The following NEIL3 variants were observed in gnomAD, a reference collection of about 807,000 sequenced individuals.
NEIL3 encodes the protein endonuclease 8-like 3.
NEIL3 carries 48 observed loss-of-function variants against 57.5 expected under a neutral mutation model. The observed-to-expected ratio is 0.83, with a 90% CI of 0.66 to 1.06. The LOEUF (loss-of-function observed/expected upper bound fraction) is 1.06, where lower values mean the gene tolerates loss of function less well. Ranked by LOEUF, NEIL3 falls within the 50% of genes least tolerant of loss-of-function variation. The pLI is 0.00. For missense variants in NEIL3, 717 were observed against 739.1 expected (o/e 0.97, Z 0.35); for synonymous variants, 261 against 253.2 (o/e 1.03, Z -0.29).
intron 1 of NEIL3, among the ~76,000 whole-genome samples, chr4:177,320,479 T>C (rs1330551044): frequency 1.2e-5 from 1 of 86,492 alleles, no homozygotes; most frequent in Non-Finnish European, 2.8e-5. Flanking sequence ...TTTTTTTTTT[T>C]TTTTTTTTTT....
At chr4:177,368,547 A>C in the NEIL3 span, among the ~76,000 whole-genome samples, 3 of 152,208 alleles carry the variant, frequency 2.0e-5, no homozygotes, top group South Asian at 6.2e-4. Context: ...TTGCTTAAGA[A>C]ATTATATATG....
chr4:177,346,576 G>C (rs1290486459), intron 6 of NEIL3, among the ~76,000 whole-genome samples: 1 of 152,086 alleles, frequency 6.6e-6, no homozygotes, highest in Non-Finnish European at 1.5e-5. Context: ...TCAAAGTTAA[G>C]GCAACAGCAA....
intron 6 of NEIL3, among the ~76,000 whole-genome samples, chr4:177,342,791 G>C (rs1378319345): frequency 6.6e-6 from 1 of 152,232 alleles, no homozygotes; most frequent in Non-Finnish European, 1.5e-5. Context: ...ACATGGCATG[G>C]TGGAGGGATG....
intron 2 of NEIL3, among the ~76,000 whole-genome samples, chr4:177,332,021 T>C (rs1435392785): frequency 6.6e-6 from 1 of 152,232 alleles, no homozygotes; most frequent in Admixed American, 6.5e-5. Flanking sequence ...CTCCACCATG[T>C]AGACTGCTGT....
intron 2 of NEIL3, among the ~76,000 whole-genome samples, chr4:177,332,436 A>T (rs975832441): frequency 6.6e-6 from 1 of 152,110 alleles, no homozygotes; most frequent in African/African-American, 2.4e-5. Context: ...AGTATAAGAC[A>T]TATTGTTTGG....
Position 177,360,167 on chromosome 4 carries a change from A to T in NEIL3, c.1461-336A>T, listed in dbSNP as rs530989937. Among the ~76,000 whole-genome samples, 6 of 152,360 alleles carry T rather than the reference A, an allele frequency of 3.9e-5. No individual in the cohort carries two copies. In the South Asian group the frequency reaches 1.2e-3, roughly 32 times the overall value. ...GACTTGAGAATATTTTAGAGGAAAAAGAAGTGGCTACAGTGTGATATTGGG... is the reference window on the plus strand; with the variant it reads ...GACTTGAGAATATTTTAGAGGAAAATGAAGTGGCTACAGTGTGATATTGGG... On this transcript the variant is annotated intron_variant, in intron 8 of 9. Coordinates refer to ENST00000264596, the MANE Select transcript of NEIL3 (RefSeq NM_018248.3).
Position 177,353,356 on chromosome 4 carries a change from T to C in NEIL3, c.1088T>C (p.Met363Thr), listed in dbSNP as rs375488257. The C allele has an allele frequency of 1.9e-6, 3 of 1,613,798 alleles. No homozygotes were observed. The highest frequency in any genetic ancestry group is 2.5e-6 in the Non-Finnish European group (3 of 1,179,896). Residue 363 changes from methionine to threonine, a missense_variant, in exon 8 of 10, where the codon ATG becomes ACG. By Grantham distance (81) the Met-to-Thr change is moderately conservative. Transcript: ENST00000264596. ...AATTCTACTGTCTTTAGCCACTTAA[T>C]GAAGTACCCGTGTAATACTTTTGGA... ...EENSTVFSHL[M>T]KYPCNTFGKP...
intron 1 of NEIL3, among the ~76,000 whole-genome samples, chr4:177,316,361 C>T (rs756596378): frequency 3.9e-5 from 6 of 152,140 alleles, no homozygotes; most frequent in Non-Finnish European, 8.8e-5. Context: ...CTCCCTAAAC[C>T]TTCCCATATG....
intron 2 of NEIL3, among the ~76,000 whole-genome samples, chr4:177,324,950 CAGATAGATAGAT>C (rs56773423): frequency 3.1e-4 from 46 of 149,450 alleles, no homozygotes; most frequent in South Asian, 6.3e-4. Flanking sequence ...ATTTAAAAAA[CAGATAGATAGAT>C]AGATAGATAG....
At chr4:177,339,286 A>C (rs977405744) in intron 4 of NEIL3, among the ~76,000 whole-genome samples, 1 of 152,206 alleles carries the variant, frequency 6.6e-6, no homozygotes, top group Non-Finnish European at 1.5e-5. Context: ...TTGAGAAAAG[A>C]AATTGTTATT....
chr4:177,335,574 T>C, intron 2 of NEIL3, 114 bp from the exon 3 acceptor site: 1 of 865,848 alleles, frequency 1.2e-6, no homozygotes, highest in Non-Finnish European at 1.8e-6. Context: ...TAAAAGTGTC[T>C]ATCCTGACTA....
intron 2 of NEIL3, among the ~76,000 whole-genome samples, chr4:177,330,575 A>G (rs993033966): frequency 2.6e-5 from 4 of 152,308 alleles, no homozygotes; most frequent in South Asian, 2.1e-4. Context: ...GAAAAGCATA[A>G]TAAAAATGAA....
intron 2 of NEIL3, among the ~76,000 whole-genome samples, chr4:177,326,966 A>C (rs968558472): frequency 2.6e-5 from 4 of 151,742 alleles, no homozygotes; most frequent in Non-Finnish European, 5.9e-5. Context: ...CCATGTGTCG[A>C]GGTGTGGGGG....
downstream of NEIL3, among the ~76,000 whole-genome samples, chr4:177,363,471 T>C (rs1361343560): frequency 6.6e-6 from 1 of 151,974 alleles, no homozygotes; most frequent in Admixed American, 6.6e-5. Flanking sequence ...CCCAAATTGC[T>C]CAACAGGGCA....
Position 177,351,523 on chromosome 4 carries a change from A to T in NEIL3, c.1013A>T (p.Asp338Val). The change falls in exon 7 of 10, where the codon GAT becomes GTT. Residue 338 changes from aspartate to valine, a missense_variant. By Grantham distance (152) the Asp-to-Val change is radical. Transcript: ENST00000264596. ...LINKPSSKACDACLTSRPIDS... is the reference protein window; with the variant it reads ...LINKPSSKACVACLTSRPIDS... ...AATAAGCCCTCTTCTAAGGCATGTGATGCTTGCTTGACCTCAAGGCCTATT... is the reference window on the plus strand; with the variant it reads ...AATAAGCCCTCTTCTAAGGCATGTGTTGCTTGCTTGACCTCAAGGCCTATT... The T allele has an allele frequency of 6.2e-7, 1 of 1,613,508 alleles. No homozygotes were observed. Among genetic ancestry groups the T allele is most frequent in the Non-Finnish European group, 8.5e-7 (1 of 1,179,824 alleles).
Position 177,310,090 on chromosome 4 carries a change from C to T in NEIL3, c.137C>T (p.Thr46Met), listed in dbSNP as rs556836096. ...QGRALRLAASTVVVSPQAAAL... is the reference protein window; with the variant it reads ...QGRALRLAASMVVVSPQAAAL... ...CGCGCCTTGCGGCTCGCAGCCTCCA[C>T]GGTTGTGGTCTCCCCGCAGGTGAGC... The change falls in exon 1 of 10, where the codon ACG becomes ATG. Residue 46 changes from threonine (T) to methionine (M), a missense_variant. Coordinates refer to ENST00000264596, the MANE Select transcript of NEIL3 (RefSeq NM_018248.3). 1.4e-5 allele frequency: 23 copies of T among 1,587,200 alleles called. No individual in the cohort carries two copies. Among genetic ancestry groups the T allele is most frequent in the East Asian group, 1.2e-4 (5 of 42,990 alleles).
chr4:177,359,633 A>T lies in NEIL3; in HGVS notation c.1461-870A>T, dbSNP rs34541111. 3.9e-5 allele frequency among the ~76,000 whole-genome samples: 6 copies of T among 152,352 alleles called. No individual in the cohort carries two copies. The East Asian group carries it at 9.6e-4, about 24-fold the overall frequency. ...TGTTTTATCATTAAAGAGTTAAAAA[A>T]AAATAGGAATATTAAGAGGGGGACT... On this transcript the variant is annotated intron_variant, in intron 8 of 9. Coordinates refer to ENST00000264596, the MANE Select transcript of NEIL3 (RefSeq NM_018248.3).
intron 2 of NEIL3, among the ~76,000 whole-genome samples, chr4:177,324,800 T>C (rs555518944): frequency 6.6e-6 from 1 of 152,274 alleles, no homozygotes; most frequent in South Asian, 2.1e-4. Context: ...AGGTGTAATC[T>C]TTATTAACTT....
Position 177,314,584 on chromosome 4 carries a change from G to C in NEIL3, c.156+4475G>C, listed in dbSNP as rs570877324. 7.6e-4 allele frequency among the ~76,000 whole-genome samples: 115 copies of C among 152,126 alleles called. 6 individuals carry two copies. The South Asian group carries it at 0.022, about 29-fold the overall frequency. ...TGAGGAACACCCTATTTTTATGAAG[G>C]GTTTGTAATCATTTGGTGCCTTCAG... is the stretch of plus-strand genomic sequence containing the variant. On this transcript the variant is annotated intron_variant, in intron 1 of 9. Transcript: ENST00000264596.
Sources: allele counts gnomAD v4.1 joint callset (sites outside exome capture counted in the v4.1 genomes callset), GRCh38; gene constraint gnomAD v4.1.1; transcripts MANE v1.5; gene names NCBI Gene and HGNC (gene_info 2026-07-23, HGNC 2026-07-21).